ADGRL2: variants seen among roughly 807,000 people sequenced by gnomAD.
The protein encoded by ADGRL2 is calcium-independent alpha-latrotoxin receptor 2.
Under a neutral mutation model 157.4 loss-of-function variants are expected in ADGRL2, and 44 were observed. The observed-to-expected ratio is 0.28, with a 90% confidence interval of 0.22 to 0.36. ADGRL2 has a LOEUF of 0.36. ADGRL2 is among the 10% of genes least tolerant of loss of function. The probability of loss-of-function intolerance (pLI) is 1.00; values close to 1 mark genes in which losing one functional copy is unlikely to be tolerated. For missense variants in ADGRL2, 1,510 were observed against 1,768.9 expected (o/e 0.85, Z 2.63); for synonymous variants, 585 against 624.7 (o/e 0.94, Z 0.95).
intron 2 of ADGRL2, among the ~76,000 whole-genome samples, chr1:81,874,094 G>A (rs984015406): frequency 6.6e-6 from 1 of 152,062 alleles, no homozygotes; most frequent in Non-Finnish European, 1.5e-5. Flanking sequence ...ACAAAATCAT[G>A]ATTTGTTTTG....
intron 6 of ADGRL2, among the ~76,000 whole-genome samples, chr1:81,946,195 A>G (rs1286709072): frequency 6.6e-6 from 1 of 152,114 alleles, no homozygotes; most frequent in Non-Finnish European, 1.5e-5. Context: ...GTGCTATAAA[A>G]TTATCCATTC....
chr1:81,881,022 G>T (rs2093973372), intron 2 of ADGRL2, among the ~76,000 whole-genome samples: 1 of 152,064 alleles, frequency 6.6e-6, no homozygotes, highest in Admixed American at 6.6e-5. Flanking sequence ...TACTCATATT[G>T]CATAATATAG....
intron 2 of ADGRL2, among the ~76,000 whole-genome samples, chr1:81,842,238 A>C (rs887886167): frequency 6.6e-6 from 1 of 151,514 alleles, no homozygotes; most frequent in East Asian, 1.9e-4. Context: ...GTTAGTATCC[A>C]GTTGTTTCTT....
chr1:81,396,190 T>A (rs2076652141), intron 1 of ADGRL2, among the ~76,000 whole-genome samples: 1 of 152,232 alleles, frequency 6.6e-6, no homozygotes, highest in Non-Finnish European at 1.5e-5. Context: ...CATCAATGTT[T>A]TTAGTTCTCC....
intron 17 of ADGRL2, among the ~76,000 whole-genome samples, 174 bp downstream of exon 17, chr1:81,972,092 A>G (rs969536792): frequency 6.6e-6 from 1 of 152,148 alleles, no homozygotes; most frequent in Admixed American, 6.5e-5. Context: ...GCTAATTAAT[A>G]TTTCTGAAAA....
rs1347671592 is a variant in ADGRL2, at chr1:81,990,868, G to A, written c.4133G>A (p.Arg1378Lys). ...GAAGATCACCTACAGTCCCCCAACA[G>A]AGACTCTCTTTATACAAGCATGCCC... ...EAEDHLQSPN[R>K]DSLYTSMPNL... Residue 1378 changes from arginine to lysine, a missense_variant, in exon 24 of 24, where the codon AGA (arginine) becomes AAA (lysine). Transcript: ENST00000686636. The A allele has an allele frequency of 4.3e-6, 7 of 1,614,060 alleles. No individual in the cohort carries two copies. Among genetic ancestry groups the A allele is most frequent in the Non-Finnish European group, 5.9e-6 (7 of 1,180,008 alleles).
intron 1 of ADGRL2, among the ~76,000 whole-genome samples, chr1:81,308,444 C>T (rs12080998): frequency 9.2e-5 from 14 of 152,190 alleles, no homozygotes; most frequent in African/African-American, 3.4e-4. Flanking sequence ...CGTGGGATTG[C>T]CTGATTATGT....
intron 2 of ADGRL2, among the ~76,000 whole-genome samples, chr1:81,483,380 G>T (rs563338366): frequency 8.5e-5 from 13 of 152,150 alleles, no homozygotes; most frequent in Non-Finnish European, 1.9e-4. Context: ...GCACCTTCGT[G>T]CATTTAGCAA....
At chr1:81,639,165 G>C (rs1021951624) in intron 3 of ADGRL2, among the ~76,000 whole-genome samples, 1 of 152,116 alleles carries the variant, frequency 6.6e-6, no homozygotes, top group African/African-American at 2.4e-5. Flanking sequence ...CGCCTCCCAG[G>C]TTCAAGCCAT....
chr1:81,662,660 T>C (rs2082676451), intron 3 of ADGRL2, among the ~76,000 whole-genome samples: 1 of 151,866 alleles, frequency 6.6e-6, no homozygotes, highest in Non-Finnish European at 1.5e-5. Context: ...GTTCAAGCGA[T>C]TCTCCTACCT....
At chr1:81,822,219 AG>A (rs2091057884) in intron 1 of ADGRL2, among the ~76,000 whole-genome samples, 1 of 149,962 alleles carries the variant, frequency 6.7e-6, no homozygotes, top group Non-Finnish European at 1.5e-5. Context: ...AGATGATAAA[AG>A]TGTTTTCTAC....
chr1:81,501,973 T>C, intron 2 of ADGRL2: 1 of 1,612,972 alleles, frequency 6.2e-7, no homozygotes, highest in Non-Finnish European at 8.5e-7. Flanking sequence ...CTGGCAGCAC[T>C]CCCTTAGGTC....
intron 1 of ADGRL2, among the ~76,000 whole-genome samples, chr1:81,369,881 A>T (rs905104924): frequency 6.6e-6 from 1 of 152,166 alleles, no homozygotes; most frequent in Admixed American, 6.6e-5. Context: ...TTATTTCACT[A>T]AGCTTTTTGG....
intron 1 of ADGRL2, among the ~76,000 whole-genome samples, chr1:81,354,463 A>G (rs1663133365): frequency 6.6e-6 from 1 of 152,212 alleles, no homozygotes; most frequent in African/African-American, 2.4e-5. Context: ...TAGTTTTTCA[A>G]TAAGCATTTA....
intron 2 of ADGRL2, among the ~76,000 whole-genome samples, chr1:81,569,327 G>A (rs1460155246): frequency 1.3e-5 from 2 of 152,188 alleles, no homozygotes; most frequent in African/African-American, 4.8e-5. Context: ...CATCTAGCAA[G>A]TGGTAGATCC....
intron 2 of ADGRL2, among the ~76,000 whole-genome samples, chr1:81,446,013 T>G (rs1414212458): frequency 6.6e-6 from 1 of 152,200 alleles, no homozygotes; most frequent in Non-Finnish European, 1.5e-5. Context: ...TTGCTTCAGG[T>G]TCTCAATTCT....
chr1:81,647,930 G>A (rs2082345238), intron 3 of ADGRL2, among the ~76,000 whole-genome samples: 2 of 152,162 alleles, frequency 1.3e-5, no homozygotes, highest in South Asian at 4.1e-4. Flanking sequence ...CTGCTTTGGG[G>A]TAAAATTGCA....
At chr1:81,555,780 C>G (rs890434631) in intron 2 of ADGRL2, among the ~76,000 whole-genome samples, 11 of 152,068 alleles carry the variant, frequency 7.2e-5, no homozygotes, top group African/African-American at 2.7e-4. Flanking sequence ...CCTTCCTTAA[C>G]GGAAAATGTT....
chr1:81,555,180 T>A (rs2080242485), intron 2 of ADGRL2, among the ~76,000 whole-genome samples: 1 of 151,762 alleles, frequency 6.6e-6, no homozygotes, highest in African/African-American at 2.4e-5. Flanking sequence ...AGGGATGTGA[T>A]CTAATAAGAT....
Sources: gnomAD v4.1 joint callset for allele counts (sites outside exome capture counted in the v4.1 genomes callset) on GRCh38, gnomAD v4.1.1 for gene constraint, MANE v1.5 for transcripts, NCBI Gene and HGNC (gene_info 2026-07-23, HGNC 2026-07-21) for gene names.